ERN1: variants seen among roughly 807,000 people sequenced by gnomAD.
ERN1 encodes the protein endoplasmic reticulum to nucleus signaling 1.
In ERN1, 39 loss-of-function variants were observed where a neutral mutation model predicts 113.1. That is an observed-to-expected ratio of 0.34 (90% CI 0.27 to 0.45). ERN1 has a LOEUF of 0.45. ERN1 is among the 20% of genes least tolerant of loss of function. The pLI is 1.00. For synonymous variants in ERN1, 507 were observed against 515.9 expected (o/e 0.98, Z 0.23); for missense variants, 976 against 1,274.8 (o/e 0.77, Z 3.57).
intron 6 of ERN1, among the ~76,000 whole-genome samples, chr17:64,071,455 T>C (rs1326687731): frequency 6.6e-6 from 1 of 152,014 alleles, no homozygotes; most frequent in Non-Finnish European, 1.5e-5. Flanking sequence ...AGTTTTACTC[T>C]TGTTGCCCAG....
At chr17:64,085,380 CGA>C (rs763178217) in intron 2 of ERN1, among the ~76,000 whole-genome samples, 1 of 152,106 alleles carries the variant, frequency 6.6e-6, no homozygotes, top group East Asian at 1.9e-4. Flanking sequence ...AGAGAAGCAG[CGA>C]GAGGGGAGAA....
intron 2 of ERN1, among the ~76,000 whole-genome samples, chr17:64,082,819 G>A (rs530939602): frequency 7.3e-5 from 11 of 151,494 alleles, no homozygotes; most frequent in Admixed American, 4.6e-4. Context: ...GAAGATTCCC[G>A]GGACAACTAC....
chr17:64,112,073 A>G (rs1340445556), intron 1 of ERN1, among the ~76,000 whole-genome samples: 1 of 152,160 alleles, frequency 6.6e-6, no homozygotes, highest in Non-Finnish European at 1.5e-5. Flanking sequence ...GTGGTGTTCA[A>G]GAAGGAAGCA....
chr17:64,071,227 C>A (rs373522767), intron 6 of ERN1, among the ~76,000 whole-genome samples: 1 of 152,108 alleles, frequency 6.6e-6, no homozygotes, highest in East Asian at 1.9e-4. Flanking sequence ...TGTTCCTGAG[C>A]AGGGTGCAGG....
chr17:64,129,919 C>T, intron 1 of ERN1, 57 bp downstream of exon 1: 8 of 1,347,952 alleles, frequency 5.9e-6, no homozygotes, highest in East Asian at 3.1e-5. Context: ...GACGCTGCCC[C>T]GGCCCCGACC....
intron 1 of ERN1, among the ~76,000 whole-genome samples, chr17:64,108,406 T>C (rs1446314354): frequency 2.0e-5 from 3 of 152,140 alleles, no homozygotes; most frequent in African/African-American, 7.2e-5. Context: ...AGAAGAAACA[T>C]ATCTGGACAT....
intron 2 of ERN1, among the ~76,000 whole-genome samples, chr17:64,091,832 C>T (rs377463934): frequency 6.6e-6 from 1 of 152,150 alleles, no homozygotes; most frequent in African/African-American, 2.4e-5. Context: ...AGACTTGACC[C>T]TGTGGAGCAG....
intron 2 of ERN1, among the ~76,000 whole-genome samples, chr17:64,084,135 G>A (rs951951291): frequency 1.3e-5 from 2 of 151,878 alleles, no homozygotes; most frequent in Non-Finnish European, 2.9e-5. Flanking sequence ...TCCCACCAAC[G>A]CCTCAGCCTC....
At position 64,042,637 on chromosome 17, in the gene ERN1, A is replaced by G. The variant is rs1448577106; in HGVS notation, c.*1351T>C. On this transcript the variant is annotated 3_prime_UTR_variant, in exon 22 of 22. Transcript: ENST00000433197. ...CTAAGGCTCTCGGGAGAGAAAAGAC[A>G]AAGTTTTGACTGAAACTAAAGCTAA... 1 of 152,224 alleles carries G rather than the reference A, an allele frequency of 6.6e-6. No individual in the cohort carries two copies. Among genetic ancestry groups the G allele is most frequent in the Admixed American group, 6.5e-5 (1 of 15,288 alleles). 9.4% of individuals were successfully genotyped at this position (152,224 alleles called of 1,614,324 possible). A position where few individuals can be genotyped will look rare whatever the true frequency, so the allele number is the denominator to read the frequency against.
At chr17:64,067,499 T>A (rs2143378101) in intron 7 of ERN1, among the ~76,000 whole-genome samples, 1 of 149,048 alleles carries the variant, frequency 6.7e-6, no homozygotes, top group African/African-American at 2.5e-5. Context: ...TCCCAGCTAC[T>A]CAGTAGGCTG....
At chr17:64,050,847 T>A (rs1912661047) in intron 17 of ERN1, among the ~76,000 whole-genome samples, 1 of 152,188 alleles carries the variant, frequency 6.6e-6, no homozygotes. Context: ...ACTGACTTCT[T>A]TGATGATCTG....
intron 2 of ERN1, among the ~76,000 whole-genome samples, chr17:64,095,246 T>G (rs1914197810): frequency 1.3e-5 from 2 of 152,054 alleles, no homozygotes; most frequent in African/African-American, 2.4e-5. Context: ...CTGGCCAACA[T>G]GGTGAAACTC....
In ERN1 at chr17:64,054,496, G is replaced by A; in HGVS notation, c.1764-57C>T. The A allele has an allele frequency of 2.7e-6, 4 of 1,486,144 alleles. No homozygotes were observed. The highest frequency in any genetic ancestry group is 4.9e-5 in the East Asian group (2 of 40,408). 92.1% of individuals were successfully genotyped at this position (1,486,144 alleles called of 1,614,324 possible). On this transcript the variant is annotated intron_variant, in intron 14 of 21. Transcript: ENST00000433197. This position sits in a 1 kb window ranked among gnomAD's most constrained non-coding sequence, Gnocchi z 4.9. ...GAAGCACGAGTCAGGCTGTGTAAAT[G>A]AGGTGAGAACCTGGGTCCACAGCAT...
intron 2 of ERN1, among the ~76,000 whole-genome samples, chr17:64,091,863 G>A (rs1289820722): frequency 1.3e-5 from 2 of 152,178 alleles, no homozygotes; most frequent in African/African-American, 4.8e-5. Context: ...ACTAGCAGTG[G>A]TGAAGGGCCA....
intron 1 of ERN1, among the ~76,000 whole-genome samples, chr17:64,111,503 A>G (rs138478777): frequency 1.5e-3 from 230 of 152,118 alleles, no homozygotes; most frequent in African/African-American, 5.4e-3. Context: ...TTACAGGCAC[A>G]TGCCACCATG....
At chr17:64,124,814 T>C (rs532998639) in intron 1 of ERN1, among the ~76,000 whole-genome samples, 20 of 152,350 alleles carry the variant, frequency 1.3e-4, no homozygotes, top group African/African-American at 3.6e-4. Flanking sequence ...CTGACACATG[T>C]TATTATACAA....
rs1458882206 is a variant in ERN1 at position 64,049,541 on chromosome 17, T to C, written c.2254-339A>G. 6.6e-6 allele frequency among the ~76,000 whole-genome samples: 1 copy of C among 152,188 alleles called. No homozygotes were observed. Among genetic ancestry groups the C allele is most frequent in the Non-Finnish European group, 1.5e-5 (1 of 68,028 alleles). On this transcript the variant is annotated intron_variant, in intron 17 of 21. Transcript: ENST00000433197. The surrounding 1 kb of genome is among the most constrained non-coding windows in gnomAD (Gnocchi z 4.7). ...ACAGTGCTTGGCCCATCAAAAGCCC[T>C]CCTGGCTGTTATATATTCCTTACCC... is the stretch of plus-strand genomic sequence containing the variant.
At chr17:64,070,140 G>A (rs76781633) in intron 6 of ERN1, among the ~76,000 whole-genome samples, 2,827 of 152,186 alleles carry the variant, frequency 0.019, 80 homozygotes, top group African/African-American at 0.064. Context: ...TACTCAAGAG[G>A]GAGCCCGCTG....
chr17:64,079,219 T>C (rs534265905), intron 4 of ERN1, among the ~76,000 whole-genome samples: 2 of 152,262 alleles, frequency 1.3e-5, no homozygotes, highest in South Asian at 4.2e-4. Context: ...TATTACAATG[T>C]ATAATTAAGG....
Sources: gnomAD v4.1 joint callset for allele counts (sites outside exome capture counted in the v4.1 genomes callset) on GRCh38, gnomAD v4.1.1 for gene constraint, Gnocchi (gnomAD v3.1) non-coding constraint, MANE v1.5 for transcripts, NCBI Gene and HGNC (gene_info 2026-07-23, HGNC 2026-07-21) for gene names.